The following DOP1A variants were observed in gnomAD, a reference collection of about 807,000 sequenced individuals.
The protein encoded by DOP1A is protein DOP1A.
A neutral mutation model predicts 267.6 loss-of-function variants in DOP1A; 90 were observed. The observed-to-expected ratio is 0.34, with a 90% CI of 0.28 to 0.40. The LOEUF (loss-of-function observed/expected upper bound fraction) is 0.40, where lower values mean the gene tolerates loss of function less well. Among genes scored for constraint, DOP1A ranks in the 10% least tolerant of loss-of-function variants. The pLI is 1.00. For missense variants in DOP1A, 2,437 were observed against 2,900.4 expected (o/e 0.84, Z 3.67); for synonymous variants, 932 against 999.1 (o/e 0.93, Z 1.27).
At chr6:83,154,574 A>G (rs907969779) in intron 33 of DOP1A, among the ~76,000 whole-genome samples, 1 of 152,202 alleles carries the variant, frequency 6.6e-6, no homozygotes, top group African/African-American at 2.4e-5. Flanking sequence ...ATAGCACTCA[A>G]TAAATAATTA....
intron 1 of DOP1A, among the ~76,000 whole-genome samples, chr6:83,072,102 C>A (rs1015492779): frequency 6.6e-6 from 1 of 152,116 alleles, no homozygotes; most frequent in African/African-American, 2.4e-5. Flanking sequence ...TGAGATGACA[C>A]CTTCTACTCT....
At chr6:83,121,538 T>G (rs1339746284) in intron 10 of DOP1A, among the ~76,000 whole-genome samples, 2 of 151,848 alleles carry the variant, frequency 1.3e-5, no homozygotes, top group Non-Finnish European at 3.0e-5. Flanking sequence ...GAATACTTAT[T>G]ATATTCTAGA....
At chr6:83,072,463 G>C (rs1261009345) in intron 1 of DOP1A, among the ~76,000 whole-genome samples, 1 of 152,076 alleles carries the variant, frequency 6.6e-6, no homozygotes, top group African/African-American at 2.4e-5. Flanking sequence ...TTAATATAAG[G>C]TTCTGGGATA....
At chr6:83,107,212 T>G (rs1773772624) in intron 4 of DOP1A, among the ~76,000 whole-genome samples, 1 of 152,030 alleles carries the variant, frequency 6.6e-6, no homozygotes, top group African/African-American at 2.4e-5. Context: ...ACATTTGTAT[T>G]AAAAAGCAAA....
rs1776973481 is a variant in DOP1A at position 83,125,231 on chromosome 6, C to T, written c.1485+36C>T. ...CAGCCTGTTTTGTTTTTAAATGATT[C>T]TATTTACTTTTGTTATATTATAATT... On this transcript the variant is annotated intron_variant, in intron 14 of 38. Coordinates refer to ENST00000349129, the MANE Select transcript of DOP1A (RefSeq NM_015018.4). The T allele has an allele frequency of 1.9e-6, 3 of 1,542,306 alleles. No individual in the cohort carries two copies. The Admixed American group carries it at 6.8e-5, about 35-fold the overall frequency.
At chr6:83,146,832 T>C (rs1017587910) in intron 25 of DOP1A, among the ~76,000 whole-genome samples, 2 of 152,190 alleles carry the variant, frequency 1.3e-5, no homozygotes, top group Non-Finnish European at 2.9e-5. Flanking sequence ...ACTACACTAA[T>C]TGAACAGATA....
chr6:83,146,867 T>C (rs561568188), intron 25 of DOP1A, among the ~76,000 whole-genome samples: 11 of 152,328 alleles, frequency 7.2e-5, no homozygotes, highest in South Asian at 6.2e-4. Flanking sequence ...CAAATACACA[T>C]TTCATTAAAA....
At chr6:83,091,060 A>C (rs1770290242) in intron 1 of DOP1A, among the ~76,000 whole-genome samples, 1 of 151,888 alleles carries the variant, frequency 6.6e-6, no homozygotes, top group Non-Finnish European at 1.5e-5. Flanking sequence ...GAAGGCAAGG[A>C]GGAGCAAGTC....
chr6:83,073,096 T>G (rs1210318322), intron 1 of DOP1A: 1 of 232,422 alleles, frequency 4.3e-6, no homozygotes, highest in Admixed American at 5.1e-5. Context: ...TTTTTCTTTT[T>G]TTTTGAGACA....
intron 1 of DOP1A, among the ~76,000 whole-genome samples, chr6:83,082,033 TAGAG>T (rs748080124): frequency 3.3e-4 from 50 of 152,108 alleles, no homozygotes; most frequent in Non-Finnish European, 5.9e-4. Context: ...AGGTAAGTGT[TAGAG>T]AGGATGTGGA....
chr6:83,100,390 C>T (rs1772357984), intron 3 of DOP1A, among the ~76,000 whole-genome samples: 1 of 152,022 alleles, frequency 6.6e-6, no homozygotes, highest in Admixed American at 6.6e-5. Context: ...CAGCTGTCTT[C>T]TCACATCAAA....
At chr6:83,068,305 G>C (rs1339901951) in intron 1 of DOP1A, among the ~76,000 whole-genome samples, 2 of 152,208 alleles carry the variant, frequency 1.3e-5, no homozygotes, top group Non-Finnish European at 2.9e-5. Flanking sequence ...TTATTAAGAG[G>C]AAGTCAGAAG....
intron 12 of DOP1A, among the ~76,000 whole-genome samples, chr6:83,123,923 A>T (rs1278905942): frequency 6.6e-6 from 1 of 152,078 alleles, no homozygotes; most frequent in Non-Finnish European, 1.5e-5. Context: ...GAAAGTTAGC[A>T]GCATTTTAAC....
At chr6:83,088,096 T>A (rs1769633040) in intron 1 of DOP1A, among the ~76,000 whole-genome samples, 1 of 152,096 alleles carries the variant, frequency 6.6e-6, no homozygotes, top group Non-Finnish European at 1.5e-5. Context: ...ATGGTCTCGA[T>A]ATCCTGACCT....
chr6:83,126,326 C>G (rs1294576814), intron 15 of DOP1A, among the ~76,000 whole-genome samples: 1 of 151,880 alleles, frequency 6.6e-6, no homozygotes, highest in Non-Finnish European at 1.5e-5. Context: ...GGTTCTCAAT[C>G]TGGTCTGTGG....
intron 10 of DOP1A, among the ~76,000 whole-genome samples, chr6:83,121,477 G>A (rs1776374560): frequency 6.6e-6 from 1 of 151,612 alleles, no homozygotes; most frequent in African/African-American, 2.4e-5. Context: ...TTAGCCTTAT[G>A]CATTTTAGTA....
At chr6:83,125,390 A>C in intron 14 of DOP1A, 110 bp from the exon 15 acceptor site, 1 of 1,069,560 alleles carries the variant, frequency 9.3e-7, no homozygotes, top group Non-Finnish European at 1.3e-6. Flanking sequence ...AGCATGATGC[A>C]TATAAAACAT....
chr6:83,158,030 G>A (rs894490144), intron 35 of DOP1A, among the ~76,000 whole-genome samples: 2 of 150,640 alleles, frequency 1.3e-5, no homozygotes, highest in African/African-American at 2.4e-5. Context: ...ATGGAGTCTC[G>A]CTCTGTCACC....
At chr6:83,151,714 A>G in intron 28 of DOP1A, 55 bp downstream of exon 28, 1 of 1,528,916 alleles carries the variant, frequency 6.5e-7, no homozygotes, top group South Asian at 1.2e-5. Context: ...CTCAATTTGA[A>G]AATGAGAGAG....
Sources: allele counts gnomAD v4.1 joint callset (sites outside exome capture counted in the v4.1 genomes callset), GRCh38; gene constraint gnomAD v4.1.1; transcripts MANE v1.5; gene names NCBI Gene and HGNC (gene_info 2026-07-23, HGNC 2026-07-21).